Variants in MBD1 observed in about 807,000 individuals in gnomAD.
MBD1 encodes methyl-CpG-binding domain protein 1.
MBD1 carries 25 observed loss-of-function variants against 82.6 expected under a neutral mutation model. That is an observed-to-expected ratio of 0.30 (90% CI 0.22 to 0.42). The LOEUF is 0.42. Ranked by LOEUF, MBD1 falls within the 10% of genes least tolerant of loss-of-function variation. The probability of loss-of-function intolerance (pLI) is 1.00; values close to 1 mark genes in which losing one functional copy is unlikely to be tolerated. For synonymous variants in MBD1, 301 were observed against 303.7 expected (o/e 0.99, Z 0.09); for missense variants, 627 against 819.6 (o/e 0.76, Z 2.87).
At chr18:50,272,577 C>T in intron 15 of MBD1, 100 bp downstream of exon 15, 1 of 1,336,810 alleles carries the variant, frequency 7.5e-7, no homozygotes, top group Non-Finnish European at 1.1e-6. Flanking sequence ...CCTTTACCTC[C>T]CACCACACCA....
chr18:50,274,437 C>G, intron 10 of MBD1, 84 bp from the exon 11 acceptor site: 1 of 1,437,052 alleles, frequency 7.0e-7, no homozygotes, highest in Non-Finnish European at 9.5e-7. Flanking sequence ...GGTCCTGGTG[C>G]TCCTCTAGCC....
chr18:50,267,976 G>A (rs2034116475), downstream of MBD1, among the ~76,000 whole-genome samples: 1 of 152,184 alleles, frequency 6.6e-6, no homozygotes, highest in African/African-American at 2.4e-5. Flanking sequence ...GTCATTTTGT[G>A]TTCTTTTCTA....
chr18:50,277,536 TATAAC>T (rs1389154411), intron 2 of MBD1, among the ~76,000 whole-genome samples: 4 of 149,796 alleles, frequency 2.7e-5, no homozygotes, highest in East Asian at 2.0e-4. Flanking sequence ...ATAACACAAA[TATAAC>T]ATATAAATGT....
chr18:50,275,959 G>A lies in MBD1; in HGVS notation c.539C>T (p.Ala180Val), dbSNP rs116398989. The stretch of plus-strand genomic sequence containing the variant: ...ACAGTCTTCTGTTACCTGGCAGGCT[G>A]CACACTCCCCACAGCCCACACGCTG... Reference protein sequence around the residue: ...MFKRVGCGECAACQVTEDCGA... With the variant: ...MFKRVGCGECVACQVTEDCGA... The change falls in exon 7 of 17, where the codon GCA (alanine) becomes GTA (valine). Residue 180 changes from alanine to valine, a missense_variant. Ala to Val is a moderately conservative substitution (Grantham distance 64). This residue lies in a region of MBD1 where 228 missense variants were observed against 318.1 expected (regional missense o/e 0.72). Coordinates refer to ENST00000269468, the MANE Select transcript of MBD1 (RefSeq NM_015846.4). 3.7e-6 allele frequency: 6 copies of A among 1,613,176 alleles called. No individual in the cohort carries two copies. The East Asian group carries it at 1.1e-4, about 30-fold the overall frequency.
chr18:50,267,743 A>G (rs537083048), downstream of MBD1: 50 of 888,988 alleles, frequency 5.6e-5, no homozygotes, highest in African/African-American at 7.6e-4. Flanking sequence ...GAGCACATGC[A>G]ACAAATCAGT....
In MBD1 at chr18:50,276,370, G is replaced by T. The variant is rs916560342; in HGVS notation, c.516+8C>A. ...CAGAGTTGTGAAGAGGAAGCAGGTT[G>T]TGCTTACCTTAAACATTCTCTGTTC... On this transcript the variant is annotated splice_region_variant and intron_variant, in intron 6 of 16. Coordinates refer to ENST00000269468, the MANE Select transcript of MBD1 (RefSeq NM_015846.4). The T allele has an allele frequency of 2.5e-5, 41 of 1,613,798 alleles. No homozygotes were observed. Among genetic ancestry groups the T allele is most frequent in the Middle Eastern group, 3.3e-4 (2 of 6,060 alleles).
intron 2 of MBD1, 83 bp downstream of exon 2, chr18:50,279,800 T>C (rs1231424840): frequency 3.2e-6 from 5 of 1,558,862 alleles, no homozygotes; most frequent in Non-Finnish European, 4.4e-6. Flanking sequence ...TTAAACTTCA[T>C]CCATAAATTT....
rs756062808 is a variant in MBD1 at position 50,273,927 on chromosome 18, G to A, written c.1147-64C>T. ...CTGACCAATCACATCCACCCTGCCC[G>A]GCTCCACATGCCTGCTAATCTCCCA... On this transcript the variant is annotated intron_variant, in intron 11 of 16. Transcript: ENST00000269468. 114 of 1,576,782 alleles carry A rather than the reference G, an allele frequency of 7.2e-5. No individual in the cohort carries two copies. The Admixed American group carries it at 1.6e-3, about 22-fold the overall frequency.
chr18:50,281,745 C>A, upstream of MBD1: 2 of 357,672 alleles, frequency 5.6e-6, no homozygotes, highest in Non-Finnish European at 1.0e-5. Context: ...CGGCTCTCCT[C>A]GCTGCCCATC....
rs771769828 is a variant in MBD1 at position 50,276,967 on chromosome 18, C to T, written c.257G>A (p.Arg86Gln). 9.9e-6 allele frequency: 16 copies of T among 1,614,086 alleles called. No individual in the cohort carries two copies. The highest frequency in any genetic ancestry group is 3.3e-5 in the South Asian group (3 of 91,090). ...CTTGGCTGGCCTTGAAGGCTTCTTT[C>T]GCTTCTTGCTGGCAACCGCCACGGG... The part of the protein sequence containing the change: ...AHPVAVASKK[R>Q]KKPSRPAKTR... The change falls in exon 4 of 17, where the codon CGA becomes CAA. Residue 86 changes from arginine (R) to glutamine (Q), a missense_variant. Arg to Gln is a conservative substitution (Grantham distance 43). Transcript: ENST00000269468.
In MBD1 at chr18:50,272,884, C is replaced by G; in HGVS notation, c.1656G>C (p.Lys552Asn). Residue 552 changes from lysine (K) to asparagine (N), a missense_variant, in exon 14 of 17, where the codon AAG becomes AAC. Around this residue, in one of 6 missense-constraint regions of MBD1, gnomAD observed 265 missense variants for 278.4 expected, o/e 0.95. Coordinates refer to ENST00000269468, the MANE Select transcript of MBD1 (RefSeq NM_015846.4). ...PDPEEDKEEN[K>N]DDSASKLAPE... The stretch of plus-strand genomic sequence containing the variant: ...GGGCCAATTTGGAGGCAGAATCATC[C>G]TTGTTCTCCTCCTTGTCCTCCTCTG... 1 of 1,614,224 alleles carries G rather than the reference C, an allele frequency of 6.2e-7. No individual in the cohort carries two copies. The highest frequency in any genetic ancestry group is 8.5e-7 in the Non-Finnish European group (1 of 1,180,032).
chr18:50,277,642 T>C lies in MBD1; in HGVS notation c.111-438A>G, dbSNP rs541765085. On this transcript the variant is annotated intron_variant, in intron 2 of 16. Coordinates refer to ENST00000269468, the MANE Select transcript of MBD1 (RefSeq NM_015846.4). ...AAATGCAACTACATACAAATTAAAG[T>C]ATAAGTAATTGATTTTGGGACCCCC... Among the ~76,000 whole-genome samples the C allele has an allele frequency of 4.2e-4, 64 of 152,188 alleles. No individual in the cohort carries two copies. In the South Asian group the frequency reaches 0.013, roughly 31 times the overall value.
intron 2 of MBD1, chr18:50,279,659 G>A: frequency 1.8e-6 from 1 of 567,554 alleles, no homozygotes; most frequent in Admixed American, 3.1e-5. Context: ...GTTTTTCACT[G>A]CTCTGTACGT....
chr18:50,274,177 C>T lies in MBD1; in HGVS notation c.1146+9G>A. The T allele has an allele frequency of 6.2e-7, 1 of 1,613,856 alleles. No homozygotes were observed. Among genetic ancestry groups the T allele is most frequent in the African/African-American group, 1.3e-5 (1 of 75,062 alleles). On this transcript the variant is annotated intron_variant, in intron 11 of 16. Transcript: ENST00000269468. ...ATCCCGTCCACCTGACCCTTCCTGC[C>T]CCACCCACCATGGCAAACTGCAGGC...
chr18:50,270,834 A>G (rs2035210252), intron 16 of MBD1: 1 of 176,040 alleles, frequency 5.7e-6, no homozygotes, highest in African/African-American at 2.4e-5. Context: ...TAGTGCATAC[A>G]GGATTACAGG....
chr18:50,275,104 T>G (rs1250959489), intron 9 of MBD1, 25 bp downstream of exon 9: 1 of 1,612,974 alleles, frequency 6.2e-7, no homozygotes, highest in East Asian at 2.2e-5. Context: ...GGGTTGTGCC[T>G]TCCCTCCACC....
At chr18:50,273,234 C>T in intron 13 of MBD1, 100 bp downstream of exon 13, 4 of 1,492,602 alleles carry the variant, frequency 2.7e-6, no homozygotes, top group South Asian at 1.2e-5. Context: ...GCAATCAGCA[C>T]ATCTATTGCT....
chr18:50,279,052 T>C (rs1045670799), intron 2 of MBD1, among the ~76,000 whole-genome samples: 8 of 152,358 alleles, frequency 5.3e-5, no homozygotes, highest in African/African-American at 1.4e-4. Flanking sequence ...GGAAGACTCC[T>C]GATCAGCAGA....
At chr18:50,281,595 G>A (rs2040281419), upstream of MBD1, 4 of 507,138 alleles carry the variant, frequency 7.9e-6, no homozygotes, top group African/African-American at 1.9e-5. Flanking sequence ...TTGCCTCGAT[G>A]TCGCGTGCCC....
Sources: allele counts gnomAD v4.1 joint callset (sites outside exome capture counted in the v4.1 genomes callset), GRCh38; gene constraint gnomAD v4.1.1; regional missense constraint gnomAD v4.1.1; transcripts MANE v1.5; gene names NCBI Gene and HGNC (gene_info 2026-07-23, HGNC 2026-07-21).